ASIC2: variants seen among roughly 807,000 people sequenced by gnomAD.
ASIC2 encodes acid-sensing ion channel 2.
A neutral mutation model predicts 57.3 loss-of-function variants in ASIC2; 25 were observed. The ratio of observed to expected loss-of-function variants is 0.44; its 90% CI spans 0.32 to 0.61. The LOEUF (loss-of-function observed/expected upper bound fraction) is 0.61, where lower values mean the gene tolerates loss of function less well. ASIC2 is among the 20% of genes least tolerant of loss of function. The pLI, the probability that ASIC2 is intolerant of heterozygous loss-of-function variation, is 0.06. For missense variants in ASIC2, 641 were observed against 738.1 expected, an observed-to-expected ratio of 0.87 and a Z score of 1.52; for synonymous variants, 319 against 307.5, an observed-to-expected ratio of 1.04 and a Z score of -0.39.
intron 1 of ASIC2, among the ~76,000 whole-genome samples, chr17:33,626,796 A>G (rs1905999026): frequency 6.6e-6 from 1 of 152,060 alleles, no homozygotes. Context: ...AGTTCTCATC[A>G]TTTGCAACAT....
chr17:33,155,491 G>A (rs774118146), intron 1 of ASIC2, among the ~76,000 whole-genome samples: 2 of 151,024 alleles, frequency 1.3e-5, no homozygotes, highest in African/African-American at 2.4e-5. Context: ...ATTGATGATT[G>A]AGGCTTCTTT....
chr17:33,220,670 A>G (rs1907656366), intron 1 of ASIC2, among the ~76,000 whole-genome samples: 1 of 152,202 alleles, frequency 6.6e-6, no homozygotes, highest in Non-Finnish European at 1.5e-5. Flanking sequence ...TTCCTGGTCA[A>G]TACATGTTAT....
At chr17:33,086,618 T>A (rs1490711927) in intron 3 of ASIC2, among the ~76,000 whole-genome samples, 1 of 152,156 alleles carries the variant, frequency 6.6e-6, no homozygotes, top group Non-Finnish European at 1.5e-5. Flanking sequence ...TCACCCTTAG[T>A]TGGCCTATGA....
chr17:33,195,485 T>C (rs748998445), intron 1 of ASIC2, among the ~76,000 whole-genome samples: 1 of 152,248 alleles, frequency 6.6e-6, no homozygotes, highest in Non-Finnish European at 1.5e-5. Context: ...ATGAGGATCA[T>C]GATAGTGATT....
intron 1 of ASIC2, among the ~76,000 whole-genome samples, chr17:33,384,828 T>A (rs1909616269): frequency 6.6e-6 from 1 of 152,192 alleles, no homozygotes; most frequent in Admixed American, 6.5e-5. Context: ...GTACTCACAC[T>A]CCTTGATAAC....
chr17:34,151,305 C>A (rs1470853256), intron 1 of ASIC2, among the ~76,000 whole-genome samples: 1 of 152,120 alleles, frequency 6.6e-6, no homozygotes, highest in Non-Finnish European at 1.5e-5. Flanking sequence ...TTGCACTCAG[C>A]TATCACCTCA....
At chr17:33,413,612 G>A (rs993483705) in intron 1 of ASIC2, among the ~76,000 whole-genome samples, 5 of 152,028 alleles carry the variant, frequency 3.3e-5, no homozygotes, top group Admixed American at 6.6e-5. Context: ...ATCCTGCCAC[G>A]CCCATTCTCC....
chr17:33,613,277 T>G (rs1436087644), intron 1 of ASIC2, among the ~76,000 whole-genome samples: 2 of 152,054 alleles, frequency 1.3e-5, no homozygotes, highest in East Asian at 1.9e-4. Flanking sequence ...TTTTCTCTCC[T>G]CATTCCTCCA....
intron 1 of ASIC2, among the ~76,000 whole-genome samples, chr17:33,414,294 A>T (rs554834770): frequency 6.6e-6 from 1 of 152,292 alleles, no homozygotes; most frequent in African/African-American, 2.4e-5. Flanking sequence ...TGGAGGGAGC[A>T]GTGCAGAGAG....
intron 1 of ASIC2, among the ~76,000 whole-genome samples, chr17:33,164,262 T>C (rs1905242369): frequency 6.6e-6 from 1 of 152,198 alleles, no homozygotes; most frequent in Non-Finnish European, 1.5e-5. Context: ...TGACAGCTGA[T>C]ACAGAGCTCA....
chr17:33,856,187 G>T (rs1218888914), intron 1 of ASIC2, among the ~76,000 whole-genome samples: 1 of 152,176 alleles, frequency 6.6e-6, no homozygotes, highest in Non-Finnish European at 1.5e-5. Flanking sequence ...CAGCTGGGTG[G>T]CTTGGAGCAA....
intron 1 of ASIC2, among the ~76,000 whole-genome samples, chr17:33,716,613 G>A (rs912137263): frequency 6.6e-6 from 1 of 152,168 alleles, no homozygotes; most frequent in Non-Finnish European, 1.5e-5. Context: ...TCCTAAAGAG[G>A]CCTCCCATGA....
chr17:34,153,214 A>G (rs983096896), intron 1 of ASIC2, among the ~76,000 whole-genome samples: 1 of 152,226 alleles, frequency 6.6e-6, no homozygotes, highest in African/African-American at 2.4e-5. Context: ...CTTCATAGAA[A>G]AAGAAATACA....
At chr17:33,786,667 A>G (rs1340154348) in intron 1 of ASIC2, among the ~76,000 whole-genome samples, 1 of 152,078 alleles carries the variant, frequency 6.6e-6, no homozygotes, top group Non-Finnish European at 1.5e-5. Flanking sequence ...ACTGTCAGCA[A>G]TTCATGAGAC....
At chr17:33,488,530 T>C (rs1351766241) in intron 1 of ASIC2, among the ~76,000 whole-genome samples, 1 of 152,262 alleles carries the variant, frequency 6.6e-6, no homozygotes, top group Non-Finnish European at 1.5e-5. Flanking sequence ...AATGTGTTTA[T>C]TTTGGTACTT....
chr17:33,649,727 A>G (rs1367031163), intron 1 of ASIC2, among the ~76,000 whole-genome samples: 1 of 152,204 alleles, frequency 6.6e-6, no homozygotes, highest in Non-Finnish European at 1.5e-5. Context: ...GACCCACACA[A>G]ATATGTCCAA....
At chr17:33,730,288 GGTAAAT>G (rs1909701898) in intron 1 of ASIC2, among the ~76,000 whole-genome samples, 1 of 152,162 alleles carries the variant, frequency 6.6e-6, no homozygotes, top group East Asian at 1.9e-4. Flanking sequence ...CACAGGGAGA[GGTAAAT>G]CAGAACAGGC....
intron 1 of ASIC2, among the ~76,000 whole-genome samples, chr17:33,928,120 TC>T (rs1456109682): frequency 6.6e-6 from 1 of 152,072 alleles, no homozygotes; most frequent in Non-Finnish European, 1.5e-5. Flanking sequence ...TTGGTTTTTT[TC>T]CCCCTGCCAA....
chr17:33,902,820 C>T (rs1369904365), intron 1 of ASIC2, among the ~76,000 whole-genome samples: 1 of 152,182 alleles, frequency 6.6e-6, no homozygotes, highest in Non-Finnish European at 1.5e-5. Flanking sequence ...AGAAATTCAG[C>T]CAGAACTGTT....
Sources: allele counts gnomAD v4.1 joint callset (sites outside exome capture counted in the v4.1 genomes callset), GRCh38; gene constraint gnomAD v4.1.1; transcripts MANE v1.5; gene names NCBI Gene and HGNC (gene_info 2026-07-23, HGNC 2026-07-21).